The following PRIM2 variants were observed in gnomAD, a reference collection of about 807,000 sequenced individuals.
The protein encoded by PRIM2 is DNA primase subunit 2.
PRIM2 carries 39 observed loss-of-function variants against 67.3 expected under a neutral mutation model. The observed-to-expected ratio is 0.58, with a 90% CI of 0.45 to 0.76. The LOEUF is 0.76. PRIM2 is among the 30% of genes least tolerant of loss of function. The pLI is 0.00. For synonymous variants in PRIM2, 143 were observed against 198.7 expected, an observed-to-expected ratio of 0.72 and a Z score of 2.36; for missense variants, 398 against 598.7, an observed-to-expected ratio of 0.66 and a Z score of 3.50.
intron 7 of PRIM2, among the ~76,000 whole-genome samples, chr6:57,384,401 A>G (rs1650187201): frequency 1.3e-5 from 2 of 152,064 alleles, no homozygotes; most frequent in African/African-American, 2.4e-5. Flanking sequence ...TTGGGGTATC[A>G]TTTTTCTAAG....
At chr6:57,581,562 C>T (rs1776084332) in intron 10 of PRIM2, among the ~76,000 whole-genome samples, 1 of 152,102 alleles carries the variant, frequency 6.6e-6, no homozygotes. Context: ...ATTAATATAT[C>T]GTTAATAGTA....
At chr6:57,336,606 A>T (rs1240869690) in intron 5 of PRIM2, among the ~76,000 whole-genome samples, 1 of 151,980 alleles carries the variant, frequency 6.6e-6, no homozygotes, top group Non-Finnish European at 1.5e-5. Flanking sequence ...ATCCAGCCAA[A>T]CTAAGCTTCA....
At chr6:57,238,136 C>G in the PRIM2 span, among the ~76,000 whole-genome samples, 1 of 152,174 alleles carries the variant, frequency 6.6e-6, no homozygotes, top group East Asian at 1.9e-4. Flanking sequence ...ACCCCACTGT[C>G]AACATTAGAC....
chr6:57,374,441 G>A (rs958946221), intron 5 of PRIM2, among the ~76,000 whole-genome samples: 29 of 150,010 alleles, frequency 1.9e-4, no homozygotes, highest in African/African-American at 7.1e-4. Flanking sequence ...CTACAGGCGC[G>A]CGCCACCATG....
At chr6:57,488,473 T>C (rs1270009404) in intron 7 of PRIM2, among the ~76,000 whole-genome samples, 104 of 152,346 alleles carry the variant, frequency 6.8e-4, no homozygotes, top group African/African-American at 2.5e-3. Context: ...GTAGAAACTG[T>C]AATTAGTTCA....
At chr6:57,582,833 A>G (rs1776120913) in intron 10 of PRIM2, among the ~76,000 whole-genome samples, 2 of 150,074 alleles carry the variant, frequency 1.3e-5, no homozygotes, top group East Asian at 2.0e-4. Context: ...CATGTGCACA[A>G]TGTGCAGGTT....
intron 5 of PRIM2, among the ~76,000 whole-genome samples, chr6:57,336,607 C>G (rs1023470012): frequency 6.6e-6 from 1 of 151,818 alleles, no homozygotes; most frequent in Non-Finnish European, 1.5e-5. Context: ...TCCAGCCAAA[C>G]TAAGCTTCAT....
chr6:57,624,832 G>A (rs1380443113), intron 12 of PRIM2, among the ~76,000 whole-genome samples: 1 of 152,154 alleles, frequency 6.6e-6, no homozygotes, highest in Non-Finnish European at 1.5e-5. Flanking sequence ...ACATGCCCAA[G>A]ACTTGGCACT....
chr6:57,559,675 T>G (rs1325198760), intron 10 of PRIM2, among the ~76,000 whole-genome samples: 1 of 152,218 alleles, frequency 6.6e-6, no homozygotes, highest in Non-Finnish European at 1.5e-5. Context: ...ATTGCAGGTT[T>G]TGTTCCAGAC....
intron 10 of PRIM2, among the ~76,000 whole-genome samples, chr6:57,555,265 C>T (rs1775489365): frequency 1.3e-5 from 2 of 152,036 alleles, no homozygotes; most frequent in South Asian, 2.1e-4. Context: ...ATGTCTGGCA[C>T]TTTGTGTAAA....
chr6:57,389,050 ATTTC>A (rs1199370913), intron 7 of PRIM2, among the ~76,000 whole-genome samples: 2 of 152,132 alleles, frequency 1.3e-5, no homozygotes, highest in African/African-American at 4.8e-5. Context: ...TTGGAGCTGG[ATTTC>A]TTTAAGGCAA....
In PRIM2 at chr6:57,345,691, C is replaced by T. The variant is rs180841805; in HGVS notation, c.459+19646C>T. 7.4e-4 allele frequency among the ~76,000 whole-genome samples: 113 copies of T among 151,870 alleles called. No individual in the cohort carries two copies. In the Middle Eastern group the frequency reaches 0.014, roughly 18 times the overall value. On this transcript the variant is annotated intron_variant, in intron 5 of 13. Transcript: ENST00000615550. ...TGCAAGAAAGAATTTGGGATGAGTC[C>T]GTAGAGTAAAGTGAAAGCAAGTTTA... is the stretch of plus-strand genomic sequence containing the variant.
chr6:57,259,745 C>T, the PRIM2 span, among the ~76,000 whole-genome samples: 1 of 152,190 alleles, frequency 6.6e-6, no homozygotes, highest in Non-Finnish European at 1.5e-5. Context: ...TGATGGCTCA[C>T]CAAGTCCACT....
the PRIM2 span, among the ~76,000 whole-genome samples, chr6:57,244,301 A>G: frequency 6.6e-6 from 1 of 152,196 alleles, no homozygotes; most frequent in Non-Finnish European, 1.5e-5. Flanking sequence ...CAAAGGCTGT[A>G]TCTCCCAGTT....
chr6:57,233,882 C>CA, the PRIM2 span, among the ~76,000 whole-genome samples: 4 of 152,032 alleles, frequency 2.6e-5, no homozygotes, highest in Non-Finnish European at 5.9e-5. Context: ...AGGCTGGACT[C>CA]AATCTCCTGG....
intron 10 of PRIM2, among the ~76,000 whole-genome samples, chr6:57,569,795 G>A (rs1295055206): frequency 6.6e-6 from 1 of 151,614 alleles, no homozygotes; most frequent in Non-Finnish European, 1.5e-5. Context: ...TTGCCAGGCT[G>A]GAGTGTAGTG....
chr6:57,494,597 A>G (rs1471562733), intron 7 of PRIM2, among the ~76,000 whole-genome samples: 1 of 152,186 alleles, frequency 6.6e-6, no homozygotes, highest in African/African-American at 2.4e-5. Flanking sequence ...TGTTAAAGGA[A>G]TTCTGTGTCA....
chr6:57,545,404 T>C (rs1376349336), intron 10 of PRIM2, among the ~76,000 whole-genome samples: 1 of 152,138 alleles, frequency 6.6e-6, no homozygotes, highest in African/African-American at 2.4e-5. Context: ...CCCTTATTTA[T>C]GAAGACTTTC....
the PRIM2 span, among the ~76,000 whole-genome samples, chr6:57,238,985 C>T: frequency 3.3e-4 from 50 of 152,158 alleles, no homozygotes; most frequent in Non-Finnish European, 5.7e-4. Context: ...TTTCTTTTTT[C>T]TTTTTTTATT....
Sources: gnomAD v4.1 joint callset for allele counts (sites outside exome capture counted in the v4.1 genomes callset) on GRCh38, gnomAD v4.1.1 for gene constraint, MANE v1.5 for transcripts, NCBI Gene and HGNC (gene_info 2026-07-23, HGNC 2026-07-21) for gene names.